GRID2: variants seen among roughly 807,000 people sequenced by gnomAD.
The protein encoded by GRID2 is glutamate ionotropic receptor delta type subunit 2, also known as glutamate receptor ionotropic, delta-2.
Under a neutral mutation model 114.8 loss-of-function variants are expected in GRID2, and 33 were observed. The ratio of observed to expected loss-of-function variants is 0.29; its 90% CI spans 0.22 to 0.38. GRID2 has a LOEUF of 0.38. Among genes scored for constraint, GRID2 ranks in the 10% least tolerant of loss-of-function variants. The pLI, the probability that GRID2 is intolerant of heterozygous loss-of-function variation, is 1.00. For missense variants in GRID2, 1,184 were observed against 1,257.7 expected, an observed-to-expected ratio of 0.94 and a Z score of 0.89; for synonymous variants, 505 against 449.9, an observed-to-expected ratio of 1.12 and a Z score of -1.55.
intron 1 of GRID2, among the ~76,000 whole-genome samples, chr4:92,429,160 A>C (rs538762326): frequency 2.6e-5 from 4 of 152,132 alleles, no homozygotes; most frequent in Admixed American, 6.6e-5. Context: ...AGGTGTATAC[A>C]TTGATGGGGT....
chr4:93,296,272 A>C (rs908544216), intron 8 of GRID2, among the ~76,000 whole-genome samples: 2 of 152,268 alleles, frequency 1.3e-5, no homozygotes, highest in South Asian at 2.1e-4. Context: ...TCTAATAAGG[A>C]AATGTGATTG....
intron 14 of GRID2, among the ~76,000 whole-genome samples, chr4:93,762,651 C>T (rs1377513792): frequency 2.0e-5 from 3 of 152,130 alleles, no homozygotes; most frequent in African/African-American, 4.8e-5. Context: ...GGGTAGAAGA[C>T]CTAATGCTTC....
intron 13 of GRID2, among the ~76,000 whole-genome samples, chr4:93,548,871 A>T (rs1295426234): frequency 6.6e-6 from 1 of 152,164 alleles, no homozygotes; most frequent in Non-Finnish European, 1.5e-5. Flanking sequence ...AACCTTTGCC[A>T]TGATCAACAG....
At chr4:92,764,739 T>C (rs933450178) in intron 2 of GRID2, among the ~76,000 whole-genome samples, 2 of 152,204 alleles carry the variant, frequency 1.3e-5, no homozygotes, top group African/African-American at 4.8e-5. Context: ...TTCCCATCAT[T>C]GCATTTTCAG....
chr4:92,949,120 TAGAC>T, intron 2 of GRID2, among the ~76,000 whole-genome samples: 1 of 150,352 alleles, frequency 6.7e-6, no homozygotes, highest in South Asian at 2.1e-4. Context: ...GTTATACAAT[TAGAC>T]AAAGAAAATG....
chr4:92,755,987 G>C (rs1410278077), intron 2 of GRID2, among the ~76,000 whole-genome samples: 2 of 152,062 alleles, frequency 1.3e-5, no homozygotes, highest in Non-Finnish European at 2.9e-5. Flanking sequence ...CACGCTTCTA[G>C]CTATTTGAAA....
intron 8 of GRID2, among the ~76,000 whole-genome samples, chr4:93,269,064 T>G (rs1751151513): frequency 2.0e-5 from 3 of 152,206 alleles, no homozygotes; most frequent in Admixed American, 2.0e-4. Context: ...CAAAAAATTT[T>G]AACATGTCAG....
chr4:93,807,682 A>G (rs890943926), exon 2 of GRID2: 1 of 152,130 alleles, frequency 6.6e-6, no homozygotes, highest in Non-Finnish European at 1.5e-5. Flanking sequence ...CCTTATACCC[A>G]CTTCCACATT....
chr4:93,212,349 T>G (rs1221621778), intron 5 of GRID2, among the ~76,000 whole-genome samples: 1 of 152,174 alleles, frequency 6.6e-6, no homozygotes, highest in Non-Finnish European at 1.5e-5. Flanking sequence ...AATATATTTT[T>G]TTCATTTGCA....
At chr4:93,109,720 T>C (rs1395010337) in intron 3 of GRID2, among the ~76,000 whole-genome samples, 7 of 152,128 alleles carry the variant, frequency 4.6e-5, no homozygotes, top group Non-Finnish European at 8.8e-5. Flanking sequence ...AAAAATATAG[T>C]TCATGATATA....
chr4:93,424,575 G>A (rs115404451), intron 10 of GRID2, among the ~76,000 whole-genome samples: 2,169 of 151,926 alleles, frequency 0.014, 17 homozygotes, highest in South Asian at 0.055. Context: ...TTTATATGTA[G>A]TATATTTTTG....
At position 93,742,113 on chromosome 4, in the gene GRID2, A is replaced by C. The variant is rs185734014; in HGVS notation, c.2361-27097A>C. On this transcript the variant is annotated intron_variant, in intron 14 of 15. Coordinates refer to ENST00000282020, the MANE Select transcript of GRID2 (RefSeq NM_001510.4). ...TTTCTTACAGTTATGATTCACAATCATCTACATTTTTATTGTCAATGTCAT... is the reference window on the plus strand; with the variant it reads ...TTTCTTACAGTTATGATTCACAATCCTCTACATTTTTATTGTCAATGTCAT... Among the ~76,000 whole-genome samples, 1,306 of 152,300 alleles carry C rather than the reference A, an allele frequency of 8.6e-3. 6 individuals carry two copies. The highest frequency in any genetic ancestry group is 0.016 in the Admixed American group (245 of 15,296).
At chr4:93,636,484 A>T (rs1395910672) in intron 14 of GRID2, among the ~76,000 whole-genome samples, 1 of 151,856 alleles carries the variant, frequency 6.6e-6, no homozygotes, top group Non-Finnish European at 1.5e-5. Context: ...TAATTATAAG[A>T]CTCTCTCCAA....
At chr4:93,348,466 G>A (rs764020059) in intron 8 of GRID2, among the ~76,000 whole-genome samples, 50 of 152,290 alleles carry the variant, frequency 3.3e-4, no homozygotes, top group Middle Eastern at 6.8e-3. Context: ...TTTATAGTTA[G>A]TGTCAATGCA....
rs778298382 is a variant in GRID2 at position 92,835,254 on chromosome 4, A to G, written c.244+244968A>G. Among the ~76,000 whole-genome samples, 90 of 151,808 alleles carry G rather than the reference A, an allele frequency of 5.9e-4. 1 individual carries two copies. Among genetic ancestry groups the G allele is most frequent in the Non-Finnish European group, 5.4e-4 (37 of 67,908 alleles). On this transcript the variant is annotated intron_variant, in intron 2 of 15. Coordinates refer to ENST00000282020, the MANE Select transcript of GRID2 (RefSeq NM_001510.4). ...GGTAGGGAAAGTATCTCAAAGTGTC[A>G]AAACAAAGGTAGGAAGGAGGAAGAT...
rs1742877661 is a variant in GRID2, at chr4:93,627,962, C to T, written c.2360+1527C>T. On this transcript the variant is annotated intron_variant, in intron 14 of 15. Coordinates refer to ENST00000282020, the MANE Select transcript of GRID2 (RefSeq NM_001510.4). ...GCCAAGGCAGGTGGATCACTTGAGGCCAGGAGTTTGAGACCAGCCTGGCCA... is the reference window on the plus strand; with the variant it reads ...GCCAAGGCAGGTGGATCACTTGAGGTCAGGAGTTTGAGACCAGCCTGGCCA... 2.0e-5 allele frequency among the ~76,000 whole-genome samples: 3 copies of T among 151,962 alleles called. No homozygotes were observed. In the South Asian group the frequency reaches 6.2e-4, roughly 32 times the overall value.
intron 1 of GRID2, among the ~76,000 whole-genome samples, chr4:92,445,910 G>T (rs539062580): frequency 2.0e-5 from 3 of 151,754 alleles, no homozygotes; most frequent in Admixed American, 6.6e-5. Context: ...CTAATGTTTT[G>T]TTACTAAAAT....
chr4:92,883,676 C>G (rs1225604412), intron 2 of GRID2, among the ~76,000 whole-genome samples: 1 of 152,142 alleles, frequency 6.6e-6, no homozygotes, highest in African/African-American at 2.4e-5. Context: ...TCTTGAATAT[C>G]TTTAGCGGAT....
At chr4:93,355,015 A>G (rs901563498) in intron 8 of GRID2, among the ~76,000 whole-genome samples, 1 of 151,374 alleles carries the variant, frequency 6.6e-6, no homozygotes, top group Non-Finnish European at 1.5e-5. Flanking sequence ...CAGGACAATT[A>G]TTGTCATTAT....
Sources: allele counts gnomAD v4.1 joint callset (sites outside exome capture counted in the v4.1 genomes callset), GRCh38; gene constraint gnomAD v4.1.1; transcripts MANE v1.5; gene names NCBI Gene and HGNC (gene_info 2026-07-23, HGNC 2026-07-21).